STXBP5L: variants seen among roughly 807,000 people sequenced by gnomAD.
STXBP5L encodes the protein syntaxin binding protein 5L.
In STXBP5L, 65 loss-of-function variants were observed where a neutral mutation model predicts 144.5. The observed-to-expected ratio is 0.45, with a 90% CI of 0.37 to 0.55. The LOEUF (loss-of-function observed/expected upper bound fraction) is 0.55, where lower values mean the gene tolerates loss of function less well. STXBP5L is among the 20% of genes least tolerant of loss of function. The pLI is 0.00. For synonymous variants in STXBP5L, 505 were observed against 469.6 expected (o/e 1.08, Z -0.97); for missense variants, 1,298 against 1,405.5 (o/e 0.92, Z 1.22).
intron 5 of STXBP5L, among the ~76,000 whole-genome samples, chr3:121,097,407 C>T (rs997256985): frequency 1.3e-5 from 2 of 152,168 alleles, no homozygotes; most frequent in African/African-American, 4.8e-5. Context: ...AATGGCCACC[C>T]AGTTTTGTGC....
chr3:121,121,027 TAAC>T (rs1313771208), intron 6 of STXBP5L, among the ~76,000 whole-genome samples: 3 of 151,318 alleles, frequency 2.0e-5, no homozygotes, highest in Non-Finnish European at 4.5e-5. Context: ...CCAGGTCTTT[TAAC>T]AATATTCTGT....
chr3:121,251,555 G>A (rs2050026386), intron 15 of STXBP5L, among the ~76,000 whole-genome samples: 1 of 152,140 alleles, frequency 6.6e-6, no homozygotes, highest in Non-Finnish European at 1.5e-5. Flanking sequence ...AGTTTCTGAA[G>A]ATGAGTAACC....
intron 3 of STXBP5L, among the ~76,000 whole-genome samples, chr3:121,037,335 A>C (rs1453819682): frequency 2.0e-5 from 3 of 151,520 alleles, no homozygotes; most frequent in African/African-American, 7.3e-5. Context: ...ATAACCTTAA[A>C]TTTCTGGACT....
intron 21 of STXBP5L, among the ~76,000 whole-genome samples, chr3:121,379,806 T>C (rs147798633): frequency 2.0e-5 from 3 of 152,260 alleles, no homozygotes; most frequent in East Asian, 1.9e-4. Flanking sequence ...AAGCAATATG[T>C]AATGATTATA....
intron 5 of STXBP5L, among the ~76,000 whole-genome samples, chr3:121,052,631 T>C (rs1576789734): frequency 6.6e-6 from 1 of 152,044 alleles, no homozygotes; most frequent in East Asian, 1.9e-4. Context: ...AAACCCACAG[T>C]CAATATCATA....
At chr3:121,367,540 G>A (rs998267084) in intron 20 of STXBP5L, among the ~76,000 whole-genome samples, 1 of 143,734 alleles carries the variant, frequency 7.0e-6, no homozygotes, top group Non-Finnish European at 1.5e-5. Flanking sequence ...CCTTGTATAT[G>A]ATGAGTCACT....
chr3:121,005,092 A>G (rs933748161), intron 3 of STXBP5L, among the ~76,000 whole-genome samples: 1 of 151,978 alleles, frequency 6.6e-6, no homozygotes. Flanking sequence ...GATTCCCTCT[A>G]TTTCTATTGA....
At chr3:120,953,040 T>C (rs751021421) in intron 2 of STXBP5L, among the ~76,000 whole-genome samples, 1 of 151,944 alleles carries the variant, frequency 6.6e-6, no homozygotes, top group Non-Finnish European at 1.5e-5. Context: ...GCTCAAGTGA[T>C]CCACCTGCCT....
chr3:121,376,896 T>C (rs1258199621), intron 20 of STXBP5L, among the ~76,000 whole-genome samples: 4 of 152,194 alleles, frequency 2.6e-5, no homozygotes. Context: ...TGTCCTCTTT[T>C]ATTTCTTTGA....
chr3:121,133,617 G>A lies in STXBP5L; in HGVS notation c.669+11913G>A, dbSNP rs557971299. ...AGTTTACCACCACTAGATTTGACTC[G>A]CAAGAAATGCTAAAGAGTTCTTTAA... On this transcript the variant is annotated intron_variant, in intron 7 of 26. Transcript: ENST00000471454. Among the ~76,000 whole-genome samples the A allele has an allele frequency of 1.1e-4, 16 of 152,220 alleles. No homozygotes were observed. The South Asian group carries it at 2.3e-3, about 22-fold the overall frequency.
At chr3:121,116,664 T>A (rs1391690002) in intron 6 of STXBP5L, among the ~76,000 whole-genome samples, 1 of 152,172 alleles carries the variant, frequency 6.6e-6, no homozygotes, top group East Asian at 1.9e-4. Flanking sequence ...GCTATTTTGC[T>A]CATTTTGTTG....
chr3:120,992,405 T>A (rs9875603), intron 3 of STXBP5L, among the ~76,000 whole-genome samples: 7,288 of 152,184 alleles, frequency 0.048, 471 homozygotes, highest in African/African-American at 0.14. Flanking sequence ...ATTCCTTCTA[T>A]CTAGTTGTAT....
In STXBP5L at chr3:121,041,754, C is replaced by T. The variant is rs371602117; in HGVS notation, c.342C>T (p.Val114=). 135 of 1,612,380 alleles carry T rather than the reference C, an allele frequency of 8.4e-5. 1 individual carries two copies. The highest frequency in any genetic ancestry group is 1.8e-4 in the East Asian group (8 of 44,758). The part of the protein sequence containing the change: ...CYCQHESGAA[V]LQLQFLINEG... ...GCCAACATGAAAGTGGTGCAGCTGT[C>T]CTACAGCTCCAATTTTTGATCAATG... The change falls in exon 4 of 27, where the codon GTC becomes GTT. Residue 114 remains valine, a synonymous_variant. Transcript: ENST00000471454.
intron 9 of STXBP5L, among the ~76,000 whole-genome samples, chr3:121,173,534 T>C (rs1158238087): frequency 3.3e-5 from 5 of 151,962 alleles, no homozygotes; most frequent in Non-Finnish European, 5.9e-5. Flanking sequence ...AATCTATGTA[T>C]AAGTTTTGAC....
At chr3:121,292,931 G>C (rs1031758800) in intron 19 of STXBP5L, among the ~76,000 whole-genome samples, 1 of 152,130 alleles carries the variant, frequency 6.6e-6, no homozygotes, top group African/African-American at 2.4e-5. Context: ...ATTGGGTACA[G>C]TGCACACTGC....
At chr3:121,215,989 A>G (rs1007122699) in intron 10 of STXBP5L, among the ~76,000 whole-genome samples, 3 of 151,958 alleles carry the variant, frequency 2.0e-5, no homozygotes, top group Non-Finnish European at 4.4e-5. Context: ...TTCACTTATC[A>G]ATTTGGCTAT....
chr3:121,184,609 G>T (rs1445168233), intron 9 of STXBP5L, among the ~76,000 whole-genome samples: 5 of 152,062 alleles, frequency 3.3e-5, no homozygotes, highest in Non-Finnish European at 4.4e-5. Context: ...TGAAAGTGAT[G>T]GGGAGAATGG....
chr3:120,939,631 G>A (rs1710459075), intron 2 of STXBP5L, among the ~76,000 whole-genome samples: 1 of 152,122 alleles, frequency 6.6e-6, no homozygotes, highest in Non-Finnish European at 1.5e-5. Flanking sequence ...GAAAGCAACA[G>A]CAAATCGTCT....
intron 5 of STXBP5L, among the ~76,000 whole-genome samples, chr3:121,051,912 A>G (rs1341153702): frequency 6.6e-6 from 1 of 152,188 alleles, no homozygotes; most frequent in African/African-American, 2.4e-5. Flanking sequence ...GGATATCACC[A>G]CCGATCCCAC....
Sources: allele counts gnomAD v4.1 joint callset (sites outside exome capture counted in the v4.1 genomes callset), GRCh38; gene constraint gnomAD v4.1.1; transcripts MANE v1.5; gene names NCBI Gene and HGNC (gene_info 2026-07-23, HGNC 2026-07-21).